The following SEM1 variants were observed in gnomAD, a reference collection of about 807,000 sequenced individuals.
The protein encoded by SEM1 is 26S proteasome complex subunit SEM1.
SEM1 carries 3 observed loss-of-function variants against 12.7 expected under a neutral mutation model. That is an observed-to-expected ratio of 0.24 (90% CI 0.11 to 0.61). The LOEUF is 0.61. Ranked by LOEUF, SEM1 falls within the 20% of genes least tolerant of loss-of-function variation. The probability of loss-of-function intolerance (pLI) is 0.88; values close to 1 mark genes in which losing one functional copy is unlikely to be tolerated. For synonymous variants in SEM1, 30 were observed against 27.8 expected (o/e 1.08, Z -0.25); for missense variants, 59 against 81.3 (o/e 0.73, Z 1.06).
At chr7:96,580,993 T>A (rs1327056270) in intron 2 of SEM1, among the ~76,000 whole-genome samples, 1 of 152,212 alleles carries the variant, frequency 6.6e-6, no homozygotes, top group Admixed American at 6.5e-5. Flanking sequence ...ATTTGTCAAT[T>A]TTGTCTTTTG....
chr7:96,586,421 G>A (rs529330703), intron 2 of SEM1, among the ~76,000 whole-genome samples: 120 of 152,256 alleles, frequency 7.9e-4, no homozygotes, highest in Non-Finnish European at 1.5e-3. Context: ...TTACCTGTCA[G>A]TTCGTTCCCT....
chr7:96,620,910 G>A (rs1319756352), downstream of SEM1, among the ~76,000 whole-genome samples: 2 of 152,038 alleles, frequency 1.3e-5, no homozygotes, highest in East Asian at 3.9e-4. Flanking sequence ...TTATTTACCT[G>A]TTGAGTGATT....
At chr7:96,501,580 GGACT>G (rs1397516597) in intron 3 of SEM1, among the ~76,000 whole-genome samples, 3 of 152,062 alleles carry the variant, frequency 2.0e-5, no homozygotes, top group African/African-American at 7.2e-5. Flanking sequence ...CAAATGTGGT[GGACT>G]TCAACCTGTC....
At chr7:96,535,378 T>TC (rs1254019595) in intron 2 of SEM1, among the ~76,000 whole-genome samples, 2 of 151,914 alleles carry the variant, frequency 1.3e-5, no homozygotes, top group African/African-American at 4.8e-5. Flanking sequence ...ATATATGTAT[T>TC]TAATGCTATA....
At chr7:96,696,389 A>G (rs556200789) in intron 1 of SEM1, 2 of 152,140 alleles carry the variant, frequency 1.3e-5, no homozygotes, top group African/African-American at 2.4e-5. Flanking sequence ...AACAAAGACG[A>G]AAGAGCTGGC....
chr7:96,655,887 G>A (rs1809165522), intron 2 of SEM1, among the ~76,000 whole-genome samples: 1 of 152,188 alleles, frequency 6.6e-6, no homozygotes, highest in African/African-American at 2.4e-5. Context: ...AAGGACTAGA[G>A]ATACAACTTT....
downstream of SEM1, among the ~76,000 whole-genome samples, chr7:96,668,611 A>G (rs1006793500): frequency 1.3e-5 from 2 of 152,190 alleles, no homozygotes; most frequent in Non-Finnish European, 1.5e-5. Flanking sequence ...TTATTCATCA[A>G]TCAGCTACAG....
At chr7:96,502,224 C>G (rs1032269238) in intron 3 of SEM1, among the ~76,000 whole-genome samples, 35 of 152,106 alleles carry the variant, frequency 2.3e-4, no homozygotes, top group African/African-American at 8.5e-4. Flanking sequence ...TGCTTAGGAT[C>G]ATTAGTAGAG....
At chr7:96,499,956 A>G (rs1464414676), upstream of SEM1, among the ~76,000 whole-genome samples, 7 of 152,206 alleles carry the variant, frequency 4.6e-5, no homozygotes, top group East Asian at 1.3e-3. Context: ...ACATCAAATA[A>G]TTAGTAAGGG....
chr7:96,532,313 GA>G (rs199585413), intron 2 of SEM1, among the ~76,000 whole-genome samples: 5 of 150,124 alleles, frequency 3.3e-5, no homozygotes, highest in East Asian at 2.0e-4. Context: ...AGAAAAGTTT[GA>G]AAAAAAAACC....
chr7:96,516,497 A>G (rs911710819), intron 2 of SEM1, among the ~76,000 whole-genome samples: 1 of 152,184 alleles, frequency 6.6e-6, no homozygotes, highest in Non-Finnish European at 1.5e-5. Flanking sequence ...CACCTCTTAT[A>G]TTACCAGGGA....
intron 2 of SEM1, among the ~76,000 whole-genome samples, chr7:96,659,596 G>A (rs910306702): frequency 1.3e-5 from 2 of 152,128 alleles, no homozygotes; most frequent in Non-Finnish European, 2.9e-5. Flanking sequence ...ATAAAGTAGT[G>A]ATAATCTCAA....
chr7:96,486,184 GT>G, intron 2 of SEM1: 3 of 1,479,248 alleles, frequency 2.0e-6, no homozygotes, highest in Non-Finnish European at 2.7e-6. Flanking sequence ...TTTTCCTCCT[GT>G]GGCTGTCATC....
At chr7:96,691,343 C>T (rs1317511899) in intron 2 of SEM1, among the ~76,000 whole-genome samples, 2 of 152,178 alleles carry the variant, frequency 1.3e-5, no homozygotes, top group South Asian at 2.1e-4. Context: ...AAGCACTCTA[C>T]ACATGTTAAA....
chr7:96,497,607 A>G (rs1202937682), upstream of SEM1, among the ~76,000 whole-genome samples: 4 of 152,180 alleles, frequency 2.6e-5, no homozygotes, highest in Non-Finnish European at 5.9e-5. Flanking sequence ...AATAATAGCC[A>G]AAGACTTCAA....
intron 2 of SEM1, among the ~76,000 whole-genome samples, chr7:96,555,569 T>C: frequency 4.5e-5 from 6 of 134,764 alleles, no homozygotes; most frequent in South Asian, 2.6e-4. Context: ...TTGTTATAAT[T>C]TCTGTTCTTT....
intron 2 of SEM1, among the ~76,000 whole-genome samples, chr7:96,600,660 A>C (rs954707730): frequency 5.9e-5 from 9 of 152,274 alleles, no homozygotes; most frequent in Non-Finnish European, 1.3e-4. Context: ...TCAACGTTGA[A>C]TGTAAAACAT....
intron 2 of SEM1, among the ~76,000 whole-genome samples, chr7:96,676,885 C>T (rs1433774150): frequency 1.3e-5 from 2 of 152,168 alleles, no homozygotes; most frequent in Non-Finnish European, 2.9e-5. Context: ...TACAGAGTTT[C>T]CTTTTACCAT....
chr7:96,644,359 C>T (rs1204313137), intron 2 of SEM1, among the ~76,000 whole-genome samples: 1 of 152,094 alleles, frequency 6.6e-6, no homozygotes, highest in Non-Finnish European at 1.5e-5. Context: ...CCAAAGAGTG[C>T]TCCCAGATTC....
Sources: allele counts gnomAD v4.1 joint callset (sites outside exome capture counted in the v4.1 genomes callset), GRCh38; gene constraint gnomAD v4.1.1; transcripts MANE v1.5; gene names NCBI Gene and HGNC (gene_info 2026-07-23, HGNC 2026-07-21).